Variants in DNAJB9 observed in about 807,000 individuals in gnomAD.
The protein encoded by DNAJB9 is dnaJ homolog subfamily B member 9.
Under a neutral mutation model 19.2 loss-of-function variants are expected in DNAJB9, and 12 were observed. The ratio of observed to expected loss-of-function variants is 0.62; its 90% CI spans 0.40 to 1.01. DNAJB9 has a LOEUF of 1.01. Ranked by LOEUF, DNAJB9 falls within the 50% of genes least tolerant of loss-of-function variation. DNAJB9 has a pLI of 0.00. For synonymous variants in DNAJB9, 83 were observed against 84.0 expected (o/e 0.99, Z 0.07); for missense variants, 272 against 261.1 (o/e 1.04, Z -0.29).
Position 108,573,530 on chromosome 7 carries a change from A to G in DNAJB9, c.*177A>G, listed in dbSNP as rs1279597781. On this transcript the variant is annotated 3_prime_UTR_variant, in exon 3 of 3. Coordinates refer to ENST00000249356, the MANE Select transcript of DNAJB9 (RefSeq NM_012328.3). ...TTGACAAATTCAACATTCAACGAGT[A>G]GACAAAATGCTAATTATTTCCCTGA... is the stretch of plus-strand genomic sequence containing the variant. 7.0e-6 allele frequency: 3 copies of G among 430,094 alleles called. No homozygotes were observed. In the East Asian group the frequency reaches 1.1e-4, roughly 15 times the overall value. The allele number at this position is 430,094 out of a possible 1,614,324, so 26.6% of individuals were successfully genotyped here.
Position 108,573,970 on chromosome 7 carries a change from AAACTT to A in DNAJB9, c.*621_*625del, listed in dbSNP as rs1790663858. On this transcript the variant is annotated 3_prime_UTR_variant, in exon 3 of 3. Coordinates refer to ENST00000249356, the MANE Select transcript of DNAJB9 (RefSeq NM_012328.3). ...GTCATTTAGGCTGGAAAAAAGTTGA[AAACTT>A]AACGAAATATTGCCAAGAGATTGTT... The A allele has an allele frequency of 6.6e-6, 1 of 152,560 alleles. No homozygotes were observed. Among genetic ancestry groups the A allele is most frequent in the Admixed American group, 6.5e-5 (1 of 15,304 alleles). 9.5% of individuals were successfully genotyped at this position (152,560 alleles called of 1,614,324 possible).
chr7:108,572,187 T>C, intron 2 of DNAJB9: 1 of 333,782 alleles, frequency 3.0e-6, no homozygotes, highest in South Asian at 6.5e-5. Context: ...AAATCTATTC[T>C]ATATTATTTA....
At position 108,572,934 on chromosome 7, in the gene DNAJB9, G is replaced by T; in HGVS notation, c.253G>T (p.Glu85Ter). 1 of 1,612,526 alleles carries T rather than the reference G, an allele frequency of 6.2e-7. No individual in the cohort carries two copies. Among genetic ancestry groups the T allele is most frequent in the Non-Finnish European group, 8.5e-7 (1 of 1,178,940 alleles). The change falls in exon 3 of 3, where the codon GAG (glutamate) becomes TAG (stop). Residue 85 changes from glutamate (E) to a stop codon, truncating the protein, a stop_gained. Transcript: ENST00000249356. LOFTEE classifies it high-confidence loss of function. Reference protein sequence around the residue: ...ETLSDANRRKEYDTLGHSAFT... With the variant: ...ETLSDANRRK ...ACTCTCAGATGCTAATAGACGAAAA[G>T]AGTATGATACACTTGGACACAGTGC...
Position 108,574,576 on chromosome 7 carries a change from C to T in DNAJB9, c.*1223C>T, listed in dbSNP as rs553294284. On this transcript the variant is annotated 3_prime_UTR_variant, in exon 3 of 3. Transcript: ENST00000249356. ...TTGGTAATTTCTACTGCATTCTTAC[C>T]ATCCTTCTCTCACAAATTTTGATAG... The T allele has an allele frequency of 6.6e-6, 1 of 152,230 alleles. No homozygotes were observed. Among genetic ancestry groups the T allele is most frequent in the East Asian group, 1.9e-4 (1 of 5,182 alleles). The allele number at this position is 152,230 out of a possible 1,614,324, so 9.4% of individuals were successfully genotyped here.
chr7:108,572,830 A>C, intron 2 of DNAJB9, 69 bp from the exon 3 acceptor site: 5 of 1,300,284 alleles, frequency 3.8e-6, no homozygotes, highest in Non-Finnish European at 5.3e-6. Context: ...ACTTGCTTGA[A>C]GAGATTTGAA....
chr7:108,573,375 A>T lies in DNAJB9; in HGVS notation c.*22A>T. The T allele has an allele frequency of 6.8e-7, 1 of 1,471,914 alleles. No individual in the cohort carries two copies. Among genetic ancestry groups the T allele is most frequent in the Non-Finnish European group, 9.0e-7 (1 of 1,109,826 alleles). The allele number at this position is 1,471,914 out of a possible 1,614,324, so 91.2% of individuals were successfully genotyped here. On this transcript the variant is annotated 3_prime_UTR_variant, in exon 3 of 3. Transcript: ENST00000249356. Reference sequence around the variant, plus strand: ...GTAGTTCTTATTCTATTCTCACTAAATCCAACTGGTTGACTCTTCCTCATT... The same window carrying T: ...GTAGTTCTTATTCTATTCTCACTAATTCCAACTGGTTGACTCTTCCTCATT...
chr7:108,573,236 C>T lies in DNAJB9; in HGVS notation c.555C>T (p.Thr185=). 1 of 1,613,960 alleles carries T rather than the reference C, an allele frequency of 6.2e-7. No homozygotes were observed. Among genetic ancestry groups the T allele is most frequent in the Non-Finnish European group, 8.5e-7 (1 of 1,179,882 alleles). ...KMFSFSGFDS[T]NQHTVQTENR... is the part of the protein sequence containing the mutation. The stretch of plus-strand genomic sequence containing the variant: ...TTTCTTTTAGTGGTTTTGACTCTAC[C>T]AATCAGCATACAGTACAGACTGAAA... The change falls in exon 3 of 3, where the codon ACC becomes ACT. Residue 185 remains threonine, a synonymous_variant. Transcript: ENST00000249356.
chr7:108,571,600 C>T (rs1482810792), intron 1 of DNAJB9, 117 bp from the exon 2 acceptor site: 38 of 768,942 alleles, frequency 4.9e-5, no homozygotes, highest in Non-Finnish European at 7.9e-5. Flanking sequence ...GTAATAGATA[C>T]TGTATGCTTA....
chr7:108,571,074 TAAAC>T (rs2154518253), intron 1 of DNAJB9, among the ~76,000 whole-genome samples: 1 of 152,344 alleles, frequency 6.6e-6, no homozygotes, highest in South Asian at 2.1e-4. Flanking sequence ...TCATGAGTTT[TAAAC>T]AATATTTAGC....
chr7:108,573,279 A>G lies in DNAJB9; in HGVS notation c.598A>G (p.Ser200Gly), dbSNP rs199929387. Reference sequence around the variant, plus strand: ...GACTGAAAATAGATTTCATGGATCTAGCAAGCACTGCAGGACTGTCACTCA... The same window carrying G: ...GACTGAAAATAGATTTCATGGATCTGGCAAGCACTGCAGGACTGTCACTCA... ...VQTENRFHGS[S>G]KHCRTVTQRR... Residue 200 changes from serine (S) to glycine (G), a missense_variant, in exon 3 of 3, where the codon AGC becomes GGC. Ser to Gly is a moderately conservative substitution (Grantham distance 56). Transcript: ENST00000249356. 2 of 1,613,714 alleles carry G rather than the reference A, an allele frequency of 1.2e-6. No individual in the cohort carries two copies. The highest frequency in any genetic ancestry group is 1.7e-6 in the Non-Finnish European group (2 of 1,179,850).
rs780386058 is a variant in DNAJB9, at chr7:108,573,017, C to T, written c.336C>T (p.Asn112=). The stretch of plus-strand genomic sequence containing the variant: ...GAAGTTCTTTTGAGCAGTCATTTAA[C>T]TTCAATTTTGATGACTTATTTAAAG... The part of the protein sequence containing the change: ...GSGSSFEQSF[N]FNFDDLFKDF... The change falls in exon 3 of 3, where the codon AAC becomes AAT. Residue 112 remains asparagine (N), a synonymous_variant. Coordinates refer to ENST00000249356, the MANE Select transcript of DNAJB9 (RefSeq NM_012328.3). The T allele has an allele frequency of 5.6e-6, 9 of 1,613,922 alleles. No individual in the cohort carries two copies. The highest frequency in any genetic ancestry group is 3.3e-5 in the Admixed American group (2 of 59,996).
chr7:108,571,275 C>T (rs1158413426), intron 1 of DNAJB9, among the ~76,000 whole-genome samples: 19 of 149,936 alleles, frequency 1.3e-4, no homozygotes, highest in Admixed American at 1.3e-3. Flanking sequence ...GGCTATTTAC[C>T]TTGGTGCGCC....
chr7:108,570,160 G>A (rs1056293723), intron 1 of DNAJB9, 57 bp downstream of exon 1: 1 of 154,914 alleles, frequency 6.5e-6, no homozygotes, highest in Non-Finnish European at 1.4e-5. Flanking sequence ...CCGTAGCCCA[G>A]GCCTGTCTTT....
In DNAJB9 at chr7:108,574,255, G is replaced by A. The variant is rs1049694242; in HGVS notation, c.*902G>A. On this transcript the variant is annotated 3_prime_UTR_variant, in exon 3 of 3. Coordinates refer to ENST00000249356, the MANE Select transcript of DNAJB9 (RefSeq NM_012328.3). Reference sequence around the variant, plus strand: ...AATATTTTTAAATCCTGAGAAATGTGTGCTTTTGTTTTCGGATAGACTTAT... The same window carrying A: ...AATATTTTTAAATCCTGAGAAATGTATGCTTTTGTTTTCGGATAGACTTAT... The A allele has an allele frequency of 8.5e-5, 13 of 152,546 alleles. No individual in the cohort carries two copies. The highest frequency in any genetic ancestry group is 2.4e-4 in the African/African-American group (10 of 41,430). The allele number at this position is 152,546 out of a possible 1,614,324, so 9.4% of individuals were successfully genotyped here. A position where few individuals can be genotyped will look rare whatever the true frequency, so the allele number is the denominator to read the frequency against.
chr7:108,570,197 C>T (rs1205218902), intron 1 of DNAJB9, 94 bp downstream of exon 1: 2 of 152,978 alleles, frequency 1.3e-5, no homozygotes, highest in African/African-American at 4.8e-5. Context: ...TCGGTGTCCG[C>T]CACGGTCGCC....
intron 1 of DNAJB9, among the ~76,000 whole-genome samples, chr7:108,571,288 CT>C (rs566177409): frequency 1.5e-4 from 22 of 142,782 alleles, no homozygotes; most frequent in South Asian, 4.4e-4. Flanking sequence ...GGTGCGCCAC[CT>C]TTTTTTTTTA....
Position 108,573,227 on chromosome 7 carries a change from T to C in DNAJB9, c.546T>C (p.Phe182=). 1 of 1,614,056 alleles carries C rather than the reference T, an allele frequency of 6.2e-7. No homozygotes were observed. The highest frequency in any genetic ancestry group is 8.5e-7 in the Non-Finnish European group (1 of 1,179,912). ...DMEKMFSFSG[F]DSTNQHTVQT... is the part of the protein sequence containing the mutation. ...AGAAAATGTTTTCTTTTAGTGGTTT[T>C]GACTCTACCAATCAGCATACAGTAC... Residue 182 remains phenylalanine (F), a synonymous_variant, in exon 3 of 3, where the codon TTT becomes TTC. Transcript: ENST00000249356.
At position 108,570,982 on chromosome 7, in the gene DNAJB9, G is replaced by C. The variant is rs556737806; in HGVS notation, c.-10-735G>C. On this transcript the variant is annotated intron_variant, in intron 1 of 2. Transcript: ENST00000249356. ...TATTTTAACTACTGAGTTTGTGAAA[G>C]TAAGAATCTGCCTTAACCACAGTAC... Among the ~76,000 whole-genome samples the C allele has an allele frequency of 3.3e-5, 5 of 152,330 alleles. No individual in the cohort carries two copies. The East Asian group carries it at 7.7e-4, about 23-fold the overall frequency.
At position 108,573,494 on chromosome 7, in the gene DNAJB9, G is replaced by GTT. The variant is rs11408141; in HGVS notation, c.*152_*153dup. On this transcript the variant is annotated 3_prime_UTR_variant, in exon 3 of 3. Transcript: ENST00000249356. ...ATATAGCTATTAAATATATTTAAGG[G>GTT]TTTTTTTTTTTTGACAAATTCAACA... 318 of 395,744 alleles carry GTT rather than the reference G, an allele frequency of 8.0e-4. No individual in the cohort carries two copies. The highest frequency in any genetic ancestry group is 3.1e-3 in the East Asian group (72 of 22,980). The allele number at this position is 395,744 out of a possible 1,614,324, so 24.5% of individuals were successfully genotyped here. A position where few individuals can be genotyped will look rare whatever the true frequency, so the allele number is the denominator to read the frequency against.
Sources: allele counts gnomAD v4.1 joint callset (sites outside exome capture counted in the v4.1 genomes callset), GRCh38; gene constraint gnomAD v4.1.1; transcripts MANE v1.5; gene names NCBI Gene and HGNC (gene_info 2026-07-23, HGNC 2026-07-21).